PPFIBP1: variants seen among roughly 807,000 people sequenced by gnomAD.
PPFIBP1 encodes PPFIB scaffold protein 1, also known as liprin-beta-1.
In PPFIBP1, 112 loss-of-function variants were observed where a neutral mutation model predicts 137.8. The ratio of observed to expected loss-of-function variants is 0.81; its 90% CI spans 0.70 to 0.95. PPFIBP1 has a LOEUF of 0.95. PPFIBP1 is among the 40% of genes least tolerant of loss of function. PPFIBP1 has a pLI of 0.00. For synonymous variants in PPFIBP1, 378 were observed against 417.3 expected (o/e 0.91, Z 1.15); for missense variants, 1,083 against 1,196.6 (o/e 0.91, Z 1.40).
intron 2 of PPFIBP1, among the ~76,000 whole-genome samples, chr12:27,631,018 G>A (rs2057228165): frequency 6.6e-6 from 1 of 152,048 alleles, no homozygotes; most frequent in Admixed American, 6.5e-5. Context: ...CAGTCAACTG[G>A]CAACATAGTG....
intron 2 of PPFIBP1, among the ~76,000 whole-genome samples, chr12:27,613,680 G>A (rs1256793638): frequency 1.3e-5 from 2 of 148,850 alleles, no homozygotes; most frequent in East Asian, 2.0e-4. Flanking sequence ...TCCAGCCTGG[G>A]CAACAGAGCA....
chr12:27,599,083 T>C (rs1271113431), intron 2 of PPFIBP1, among the ~76,000 whole-genome samples: 1 of 152,198 alleles, frequency 6.6e-6, no homozygotes, highest in Non-Finnish European at 1.5e-5. Flanking sequence ...AGTAGGAAGT[T>C]TCTAATTTGG....
chr12:27,586,236 A>G (rs978265003), intron 2 of PPFIBP1, among the ~76,000 whole-genome samples: 1 of 152,224 alleles, frequency 6.6e-6, no homozygotes, highest in Non-Finnish European at 1.5e-5. Context: ...CCAGGAAGTC[A>G]AACTTAAGAA....
intron 2 of PPFIBP1, chr12:27,599,583 A>G (rs555858846): frequency 6.8e-6 from 3 of 443,124 alleles, no homozygotes; most frequent in African/African-American, 6.1e-5. Context: ...CCTTTCATCC[A>G]TTCATTTCCT....
At chr12:27,558,465 T>C (rs1171524749) in intron 1 of PPFIBP1, among the ~76,000 whole-genome samples, 2 of 78,984 alleles carry the variant, frequency 2.5e-5, no homozygotes, top group East Asian at 7.7e-4. Context: ...CACAGTATGT[T>C]ATACACACAC....
At chr12:27,648,843 G>A (rs1339321656) in intron 6 of PPFIBP1, among the ~76,000 whole-genome samples, 1 of 148,742 alleles carries the variant, frequency 6.7e-6, no homozygotes, top group Non-Finnish European at 1.5e-5. Context: ...GGTTACCATA[G>A]GCTGGGTAGG....
chr12:27,577,527 C>A (rs2050674182), intron 1 of PPFIBP1, among the ~76,000 whole-genome samples: 1 of 152,188 alleles, frequency 6.6e-6, no homozygotes, highest in African/African-American at 2.4e-5. Context: ...AAGGAACGTT[C>A]ACTGTTCTTA....
Position 27,634,334 on chromosome 12 carries a change from A to G in PPFIBP1, c.65-576A>G, listed in dbSNP as rs145970686. The stretch of plus-strand genomic sequence containing the variant: ...ACGCCACTGCACTTAGCTCGTTCGC[A>G]TGTGTTTACCTTCCCAATTCTTTGC... On this transcript the variant is annotated intron_variant, in intron 3 of 29. Transcript: ENST00000228425. 4.3e-3 allele frequency among the ~76,000 whole-genome samples: 650 copies of G among 152,154 alleles called. 6 individuals carry two copies. Among genetic ancestry groups the G allele is most frequent in the African/African-American group, 0.015 (616 of 41,500 alleles).
rs990434466 is a variant in PPFIBP1 at position 27,629,852 on chromosome 12, T to C, written c.-35-3510T>C. Among the ~76,000 whole-genome samples the C allele has an allele frequency of 9.8e-4, 150 of 152,302 alleles. 1 individual carries two copies. Among genetic ancestry groups the C allele is most frequent in the African/African-American group, 3.4e-3 (142 of 41,574 alleles). ...AAGGCAGAATTTTAATAAATATGGA[T>C]GGTCTATTCTTAGTACTTCACCACT... On this transcript the variant is annotated intron_variant, in intron 2 of 29. Transcript: ENST00000228425.
At chr12:27,603,733 C>A (rs1221767565) in intron 2 of PPFIBP1, among the ~76,000 whole-genome samples, 1 of 152,190 alleles carries the variant, frequency 6.6e-6, no homozygotes, top group Non-Finnish European at 1.5e-5. Context: ...ATTTCTAGTG[C>A]ATCTCTAGTT....
At chr12:27,572,366 A>C (rs571082674) in intron 1 of PPFIBP1, among the ~76,000 whole-genome samples, 2 of 152,316 alleles carry the variant, frequency 1.3e-5, no homozygotes, top group South Asian at 4.1e-4. Flanking sequence ...ACTTTATGGC[A>C]GACTTTAATC....
At chr12:27,616,457 G>A (rs2055768028) in intron 2 of PPFIBP1, among the ~76,000 whole-genome samples, 1 of 152,040 alleles carries the variant, frequency 6.6e-6, no homozygotes, top group Non-Finnish European at 1.5e-5. Context: ...AGCAGACTGT[G>A]TGACTACTCA....
At chr12:27,653,155 G>A (rs2058979426) in intron 7 of PPFIBP1, among the ~76,000 whole-genome samples, 1 of 152,128 alleles carries the variant, frequency 6.6e-6, no homozygotes, top group African/African-American at 2.4e-5. Flanking sequence ...ATTACACTTG[G>A]AAGCTTAAAA....
chr12:27,683,410 A>G (rs1295861868), intron 24 of PPFIBP1, among the ~76,000 whole-genome samples: 2 of 152,224 alleles, frequency 1.3e-5, no homozygotes, highest in African/African-American at 4.8e-5. Flanking sequence ...AGCCCAAGCT[A>G]TCTCTAAGTT....
chr12:27,674,976 C>T (rs2060425651), intron 17 of PPFIBP1, among the ~76,000 whole-genome samples: 2 of 76,680 alleles, frequency 2.6e-5, no homozygotes. Flanking sequence ...CCATACTCGG[C>T]TGTTTTTTTT....
chr12:27,616,698 G>A (rs2055799610), intron 2 of PPFIBP1, among the ~76,000 whole-genome samples: 1 of 152,200 alleles, frequency 6.6e-6, no homozygotes, highest in African/African-American at 2.4e-5. Flanking sequence ...GAATAAAAGG[G>A]CGGAGACTCT....
intron 2 of PPFIBP1, among the ~76,000 whole-genome samples, chr12:27,620,969 A>G (rs1267462397): frequency 2.0e-5 from 3 of 151,754 alleles, no homozygotes; most frequent in Admixed American, 6.6e-5. Context: ...TTCCTCTTCT[A>G]TTTTCTTTCT....
intron 2 of PPFIBP1, among the ~76,000 whole-genome samples, chr12:27,621,174 G>A (rs1225831546): frequency 1.3e-5 from 2 of 152,258 alleles, no homozygotes; most frequent in Non-Finnish European, 1.5e-5. Context: ...TTTAGGCTTC[G>A]TGAGTTACAA....
In PPFIBP1 at chr12:27,692,916, G is replaced by T; in HGVS notation, c.*34G>T. The stretch of plus-strand genomic sequence containing the variant: ...CCTGGATGAACATTAGGAGTGCTTA[G>T]TCTTTTTTCTACTTGCTTTTCCAAA... On this transcript the variant is annotated 3_prime_UTR_variant, in exon 30 of 30. Transcript: ENST00000228425. 1 of 1,612,314 alleles carries T rather than the reference G, an allele frequency of 6.2e-7. No individual in the cohort carries two copies. Among genetic ancestry groups the T allele is most frequent in the Non-Finnish European group, 8.5e-7 (1 of 1,179,332 alleles).
Sources: gnomAD v4.1 joint callset for allele counts (sites outside exome capture counted in the v4.1 genomes callset) on GRCh38, gnomAD v4.1.1 for gene constraint, MANE v1.5 for transcripts, NCBI Gene and HGNC (gene_info 2026-07-23, HGNC 2026-07-21) for gene names.